B4GALNT2: variants seen among roughly 807,000 people sequenced by gnomAD.
B4GALNT2 encodes the protein N-acetylneuraminylgalactosylglucosyl-glucoside beta-1,4-N- acetylgalactosaminyltransferase 2.
In B4GALNT2, 42 loss-of-function variants were observed where a neutral mutation model predicts 51.1. The ratio of observed to expected loss-of-function variants is 0.82; its 90% confidence interval spans 0.64 to 1.06. The LOEUF (loss-of-function observed/expected upper bound fraction) is 1.06, where lower values mean the gene tolerates loss of function less well. Ranked by LOEUF, B4GALNT2 falls within the 50% of genes least tolerant of loss-of-function variation. The pLI, the probability that B4GALNT2 is intolerant of heterozygous loss-of-function variation, is 0.00. For missense variants in B4GALNT2, 602 were observed against 633.6 expected (o/e 0.95, Z 0.54); for synonymous variants, 253 against 251.7 (o/e 1.01, Z -0.05).
Position 49,171,644 on chromosome 17 carries a change from C to T in B4GALNT2, c.*1916C>T. The T allele has an allele frequency of 5.1e-6, 2 of 390,996 alleles. No homozygotes were observed. The highest frequency in any genetic ancestry group is 2.0e-5 in the South Asian group (1 of 50,900). The allele number at this position is 390,996 out of a possible 1,614,324, so 24.2% of individuals were successfully genotyped here. A position where few individuals can be genotyped will look rare whatever the true frequency, so the allele number is the denominator to read the frequency against. On this transcript the variant is annotated 3_prime_UTR_variant, in exon 11 of 11. Transcript: ENST00000393354. ...TTGCTGTATTTCTTACCATTTCTAC[C>T]ATCTGACTGTTTTGTTTAGACCAGC... is the stretch of plus-strand genomic sequence containing the variant.
chr17:49,155,142 C>G (rs1383353901), intron 4 of B4GALNT2, among the ~76,000 whole-genome samples: 2 of 151,342 alleles, frequency 1.3e-5, no homozygotes, highest in African/African-American at 4.9e-5. Flanking sequence ...AACCTTGTCT[C>G]TACTAAAAAT....
At chr17:49,125,761 C>A in the B4GALNT2 span, among the ~76,000 whole-genome samples, 1 of 61,728 alleles carries the variant, frequency 1.6e-5, no homozygotes, top group Non-Finnish European at 3.7e-5. Context: ...GGGGGTCAGC[C>A]CCCCGCCCGT....
At chr17:49,126,223 C>T in the B4GALNT2 span, among the ~76,000 whole-genome samples, 1 of 152,102 alleles carries the variant, frequency 6.6e-6, no homozygotes, top group Admixed American at 6.5e-5. Context: ...CTCTCTGAAA[C>T]ATGTGCTGTG....
At chr17:49,125,979 G>A in the B4GALNT2 span, among the ~76,000 whole-genome samples, 147 of 150,584 alleles carry the variant, frequency 9.8e-4, no homozygotes, top group African/African-American at 4.4e-4. Flanking sequence ...CTGCCCGGCC[G>A]CCACCCCGTC....
intron 1 of B4GALNT2, among the ~76,000 whole-genome samples, chr17:49,133,870 C>T (rs961711725): frequency 1.1e-4 from 16 of 152,140 alleles, no homozygotes; most frequent in African/African-American, 3.9e-4. Flanking sequence ...CGAGATTGCT[C>T]CATTGCACTC....
chr17:49,156,477 G>T, intron 4 of B4GALNT2, 89 bp from the exon 5 acceptor site: 1 of 1,378,432 alleles, frequency 7.3e-7, no homozygotes, highest in Non-Finnish European at 1.0e-6. Context: ...TCTCAAGGAT[G>T]TGCAGGAGTC....
chr17:49,156,623 C>T lies in B4GALNT2; in HGVS notation c.498+20C>T, dbSNP rs2144319044. 6.2e-7 allele frequency: 1 copy of T among 1,612,596 alleles called. No homozygotes were observed. Among genetic ancestry groups the T allele is most frequent in the Admixed American group, 1.7e-5 (1 of 59,752 alleles). On this transcript the variant is annotated intron_variant, in intron 5 of 10. Transcript: ENST00000393354. ...TATGAGGTGAGTCCTTCTCCCAGCC[C>T]CTCTTTGCACTTGGTGTCCTGTCCT...
chr17:49,153,239 AC>A (rs2042776229), intron 4 of B4GALNT2, among the ~76,000 whole-genome samples: 1 of 152,146 alleles, frequency 6.6e-6, no homozygotes, highest in East Asian at 1.9e-4. Context: ...ATATGGCAAA[AC>A]CCTGTCTCTA....
upstream of B4GALNT2, among the ~76,000 whole-genome samples, chr17:49,132,037 A>C (rs1299842704): frequency 6.6e-6 from 1 of 151,936 alleles, no homozygotes; most frequent in South Asian, 2.1e-4. Context: ...AGCTACTCGG[A>C]TGGCTGAGGT....
rs79427918 is a variant in B4GALNT2 at position 49,151,763 on chromosome 17, G to A, written c.354-1037G>A. On this transcript the variant is annotated intron_variant, in intron 3 of 10. Transcript: ENST00000393354. ...CTGTCACAAAAAAAAAAAAAAAATC[G>A]TTATCAACAACCAAAAAAACCATAA... 2.6e-3 allele frequency among the ~76,000 whole-genome samples: 393 copies of A among 150,018 alleles called. 5 individuals are homozygous for A. In the East Asian group the frequency reaches 0.035, roughly 13 times the overall value.
intron 4 of B4GALNT2, 53 bp downstream of exon 4, chr17:49,152,959 G>A: frequency 6.7e-7 from 1 of 1,481,916 alleles, no homozygotes; most frequent in Non-Finnish European, 9.3e-7. Context: ...ACTCTTCTAA[G>A]GCAAAAGGAG....
chr17:49,153,408 C>G (rs1233818281), intron 4 of B4GALNT2, among the ~76,000 whole-genome samples: 1 of 152,114 alleles, frequency 6.6e-6, no homozygotes, highest in African/African-American at 2.4e-5. Flanking sequence ...AAGTGAGATC[C>G]TGTCTCAAAA....
chr17:49,141,322 C>A lies in B4GALNT2; in HGVS notation c.90C>A (p.Ser30Arg), dbSNP rs1175036753. ...GCATTGTTGGATTTATGTTCGGAAG[C>A]ATGTTCCTTCAAGCAGTGTTCAGCA... ...VLGIVGFMFG[S>R]MFLQAVFSSP... The change falls in exon 2 of 11, where the codon AGC becomes AGA. Residue 30 changes from serine to arginine, a missense_variant. By Grantham distance (110) the Ser-to-Arg change is moderately radical. Coordinates refer to ENST00000393354, the MANE Select transcript of B4GALNT2 (RefSeq NM_001159387.2). 6.2e-7 allele frequency: 1 copy of A among 1,613,980 alleles called. No individual in the cohort carries two copies. The highest frequency in any genetic ancestry group is 1.3e-5 in the African/African-American group (1 of 74,894).
chr17:49,165,593 A>C (rs1317241013), intron 8 of B4GALNT2, among the ~76,000 whole-genome samples: 939 of 29,868 alleles, frequency 0.031, no homozygotes, highest in Non-Finnish European at 0.033. Flanking sequence ...CTCCCTCCCC[A>C]CTCTCTCTTT....
intron 5 of B4GALNT2, among the ~76,000 whole-genome samples, chr17:49,157,737 C>G: frequency 6.6e-6 from 1 of 152,210 alleles, no homozygotes; most frequent in East Asian, 1.9e-4. Context: ...AGTGGGATTA[C>G]AGGCGTGAGC....
At chr17:49,132,198 T>C (rs1293795308), upstream of B4GALNT2, among the ~76,000 whole-genome samples, 1 of 152,112 alleles carries the variant, frequency 6.6e-6, no homozygotes, top group African/African-American at 2.4e-5. Context: ...AGAGGAGCCA[T>C]GGGAAACACT....
At chr17:49,144,030 T>A (rs2144288743) in intron 3 of B4GALNT2, among the ~76,000 whole-genome samples, 1 of 152,206 alleles carries the variant, frequency 6.6e-6, no homozygotes, top group South Asian at 2.1e-4. Flanking sequence ...GTGCCTGTAG[T>A]CCCAGCTACT....
chr17:49,152,785 T>A lies in B4GALNT2; in HGVS notation c.354-15T>A, dbSNP rs367805845. 797 of 1,560,610 alleles carry A rather than the reference T, an allele frequency of 5.1e-4. 1 individual carries two copies. Among genetic ancestry groups the A allele is most frequent in the Non-Finnish European group, 6.8e-4 (781 of 1,149,028 alleles). On this transcript the variant is annotated splice_polypyrimidine_tract_variant and intron_variant, in intron 3 of 10. Coordinates refer to ENST00000393354, the MANE Select transcript of B4GALNT2 (RefSeq NM_001159387.2). ...ATCAGGGCAGCTGCTGACGTTTCTG[T>A]TCTCCTTCCTGCAGAGAAGGGCTGC...
intron 5 of B4GALNT2, 60 bp from the exon 6 acceptor site, chr17:49,158,977 T>C: frequency 6.4e-7 from 1 of 1,564,294 alleles, no homozygotes; most frequent in Admixed American, 1.7e-5. Context: ...TGTATGTATC[T>C]TTCCAGGGAG....
Sources: gnomAD v4.1 joint callset for allele counts (sites outside exome capture counted in the v4.1 genomes callset) on GRCh38, gnomAD v4.1.1 for gene constraint, MANE v1.5 for transcripts, NCBI Gene and HGNC (gene_info 2026-07-23, HGNC 2026-07-21) for gene names.